ERGIC3: variants seen among roughly 807,000 people sequenced by gnomAD.
The protein encoded by ERGIC3 is ERGIC and golgi 3.
A neutral mutation model predicts 54.7 loss-of-function variants in ERGIC3; 33 were observed. The ratio of observed to expected loss-of-function variants is 0.60; its 90% confidence interval spans 0.46 to 0.81. ERGIC3 has a LOEUF of 0.81. Ranked by LOEUF, ERGIC3 falls within the 30% of genes least tolerant of loss-of-function variation. The pLI, the probability that ERGIC3 is intolerant of heterozygous loss-of-function variation, is 0.00. For synonymous variants in ERGIC3, 186 were observed against 189.8 expected (o/e 0.98, Z 0.16); for missense variants, 399 against 488.4 (o/e 0.82, Z 1.73).
intron 11 of ERGIC3, 26 bp from the exon 12 acceptor site, chr20:35,557,168 C>T: frequency 1.2e-6 from 2 of 1,614,202 alleles, no homozygotes; most frequent in Non-Finnish European, 1.7e-6. Flanking sequence ...AGGATGCCTG[C>T]TGAGCCCACC....
At chr20:35,553,020 A>ATTTGTTTTTTTTT (rs2064689810) in intron 7 of ERGIC3, among the ~76,000 whole-genome samples, 1 of 41,552 alleles carries the variant, frequency 2.4e-5, no homozygotes, top group Non-Finnish European at 4.4e-5. Flanking sequence ...AAAGCTGGGG[A>ATTTGTTTTTTTTT]TTTTTTTTTT....
chr20:35,542,792 A>G (rs1288081895), intron 3 of ERGIC3, 30 bp from the exon 4 acceptor site: 1 of 1,613,806 alleles, frequency 6.2e-7, no homozygotes, highest in Non-Finnish European at 8.5e-7. Flanking sequence ...CTAGGGTCCC[A>G]GTACCTTAGC....
intron 7 of ERGIC3, among the ~76,000 whole-genome samples, chr20:35,551,297 T>TAA (rs113467203): frequency 3.6e-5 from 5 of 137,572 alleles, no homozygotes; most frequent in African/African-American, 1.3e-4. Context: ...CCATCTCCAT[T>TAA]AAAAAAAAAA....
At chr20:35,554,741 G>A (rs6060462) in intron 7 of ERGIC3, 58,027 of 592,080 alleles carry the variant, frequency 0.098, 3,378 homozygotes, top group South Asian at 0.2. Flanking sequence ...GCCCATAGTC[G>A]GTGGGTTTTG....
chr20:35,550,709 A>G (rs934200945), intron 7 of ERGIC3, among the ~76,000 whole-genome samples: 5 of 152,186 alleles, frequency 3.3e-5, no homozygotes, highest in Non-Finnish European at 7.3e-5. Flanking sequence ...TCTGCATGAG[A>G]TGAGAAGCCA....
intron 10 of ERGIC3, chr20:35,556,526 C>T (rs1243312907): frequency 3.7e-6 from 2 of 545,262 alleles, no homozygotes; most frequent in East Asian, 3.3e-5. Flanking sequence ...CGTCTGCCTG[C>T]CTCACTGTTC....
In ERGIC3 at chr20:35,554,408, G is replaced by A. The variant is rs182672570; in HGVS notation, c.686-636G>A. 113 of 1,614,082 alleles carry A rather than the reference G, an allele frequency of 7.0e-5. No homozygotes were observed. In the Admixed American group the frequency reaches 1.9e-3, roughly 27 times the overall value. ...GAGAGTAAGTGGCCCTGCCCCCATG[G>A]AGGCCAAACCCCTACTTCTGGGGCA... On this transcript the variant is annotated intron_variant, in intron 7 of 12. Transcript: ENST00000348547.
Position 35,542,541 on chromosome 20 carries a change from C to G in ERGIC3, c.188C>G (p.Ser63Trp), listed in dbSNP as rs371436458. The G allele has an allele frequency of 3.1e-6, 5 of 1,613,918 alleles. No individual in the cohort carries two copies. Among genetic ancestry groups the G allele is most frequent in the African/African-American group, 1.3e-5 (1 of 74,978 alleles). ...EVHPELYVDK[S>W]RGDKLKINID... ...CATCCTGAGCTCTACGTGGACAAGT[C>G]GCGGGGAGATAAACTGAAGATCAAC... The change falls in exon 3 of 13, where the codon TCG becomes TGG. Residue 63 changes from serine to tryptophan, a missense_variant. Coordinates refer to ENST00000348547, the MANE Select transcript of ERGIC3 (RefSeq NM_015966.3).
intron 4 of ERGIC3, chr20:35,543,847 G>A (rs45550136): frequency 0.03 from 11,762 of 385,652 alleles, 237 homozygotes; most frequent in Middle Eastern, 0.072. Context: ...GATATCCACT[G>A]CTGTGTAACA....
chr20:35,542,936 G>C lies in ERGIC3; in HGVS notation c.362G>C (p.Arg121Pro), dbSNP rs1162320128. The C allele has an allele frequency of 6.2e-7, 1 of 1,613,850 alleles. No homozygotes were observed. The highest frequency in any genetic ancestry group is 8.5e-7 in the Non-Finnish European group (1 of 1,179,966). The change falls in exon 4 of 13, where the codon CGG (arginine) becomes CCG (proline). Residue 121 changes from arginine to proline, a missense_variant. Coordinates refer to ENST00000348547, the MANE Select transcript of ERGIC3 (RefSeq NM_015966.3). ...DGIPVSSEAE[R>P]HELGKVEVTV... ...ATCCCCGTGAGCTCAGAGGCTGAGC[G>C]GCATGGTAACCAGGGGAGGGGGCCG...
At position 35,555,084 on chromosome 20, in the gene ERGIC3, C is replaced by T. The variant is rs780964197; in HGVS notation, c.717+9C>T. The T allele has an allele frequency of 3.1e-6, 5 of 1,607,854 alleles. No individual in the cohort carries two copies. The highest frequency in any genetic ancestry group is 4.5e-5 in the East Asian group (2 of 44,620). ...GCTTTGGCCTTGACAACGTACGTAC[C>T]AGATGGAAACCATGGAGGGCAGGTG... On this transcript the variant is annotated intron_variant, in intron 8 of 12. Transcript: ENST00000348547.
intron 10 of ERGIC3, chr20:35,556,676 T>G (rs555535046): frequency 1.9e-4 from 98 of 518,696 alleles, no homozygotes; most frequent in Non-Finnish European, 3.0e-4. Context: ...CAGGTCAGCC[T>G]TGGTGCGTCT....
intron 8 of ERGIC3, 42 bp from the exon 9 acceptor site, chr20:35,555,991 T>A (rs1198420860): frequency 6.3e-7 from 1 of 1,587,744 alleles, no homozygotes; most frequent in Non-Finnish European, 8.6e-7. Flanking sequence ...TCTGCTACTG[T>A]CATCAGAGCT....
At chr20:35,543,156 C>G (rs1239258549) in intron 4 of ERGIC3, 2 of 523,304 alleles carry the variant, frequency 3.8e-6, no homozygotes, top group Admixed American at 6.1e-5. Context: ...GGCTATTATT[C>G]TCAGAGGTCC....
At chr20:35,554,921 A>T in intron 7 of ERGIC3, 123 bp from the exon 8 acceptor site, 1 of 1,201,916 alleles carries the variant, frequency 8.3e-7, no homozygotes, top group Non-Finnish European at 1.2e-6. Flanking sequence ...AGGAGGTGCC[A>T]GGCTGGAGAA....
rs1474043808 is a variant in ERGIC3 at position 35,542,346 on chromosome 20, A to AT, written c.113dup (p.Met38IlefsTer20). 1 of 1,613,728 alleles carries AT rather than the reference A, an allele frequency of 6.2e-7. No homozygotes were observed. Among genetic ancestry groups the AT allele is most frequent in the Non-Finnish European group, 8.5e-7 (1 of 1,179,972 alleles). ...AGTGACCATTGTCAGTGGCCTTCTC[A>AT]TGCTGCTACTGTTCCTGTCCGAGCT... is the stretch of plus-strand genomic sequence containing the variant. On this transcript the variant is annotated frameshift_variant, in exon 2 of 13. Coordinates refer to ENST00000348547, the MANE Select transcript of ERGIC3 (RefSeq NM_015966.3). LOFTEE classifies it high-confidence loss of function.
intron 10 of ERGIC3, 52 bp downstream of exon 10, chr20:35,556,323 A>C: frequency 1.3e-6 from 2 of 1,591,402 alleles, no homozygotes; most frequent in Non-Finnish European, 1.7e-6. Context: ...CAAGCACTGG[A>C]GTTCCTGCAT....
intron 7 of ERGIC3, among the ~76,000 whole-genome samples, chr20:35,551,295 A>T (rs189102966): frequency 6.6e-6 from 1 of 150,602 alleles, no homozygotes; most frequent in Non-Finnish European, 1.5e-5. Context: ...TTCCATCTCC[A>T]TTAAAAAAAA....
chr20:35,557,239 C>T lies in ERGIC3; in HGVS notation c.1062C>T (p.Gly354=). 1 of 1,614,104 alleles carries T rather than the reference C, an allele frequency of 6.2e-7. No homozygotes were observed. The highest frequency in any genetic ancestry group is 1.1e-5 in the South Asian group (1 of 91,072). The change falls in exon 12 of 13, where the codon GGC becomes GGT. Residue 354 remains glycine (G), a synonymous_variant. Coordinates refer to ENST00000348547, the MANE Select transcript of ERGIC3 (RefSeq NM_015966.3). ...CAGGTGTGTGCGCCATCATTGGGGGCATGTTCACAGGTAAGAGGCCCAGGG... is the reference window on the plus strand; with the variant it reads ...CAGGTGTGTGCGCCATCATTGGGGGTATGTTCACAGGTAAGAGGCCCAGGG... ...FLTGVCAIIG[G]MFTVAGLIDS...
Sources: allele counts gnomAD v4.1 joint callset (sites outside exome capture counted in the v4.1 genomes callset), GRCh38; gene constraint gnomAD v4.1.1; transcripts MANE v1.5; gene names NCBI Gene and HGNC (gene_info 2026-07-23, HGNC 2026-07-21).